TYW1B: variants seen among roughly 807,000 people sequenced by gnomAD.
TYW1B encodes the protein S-adenosyl-L-methionine-dependent tRNA 4-demethylwyosine synthase TYW1B.
In TYW1B, 73 loss-of-function variants were observed where a neutral mutation model predicts 86.9. The observed-to-expected ratio is 0.84, with a 90% CI of 0.70 to 1.02. The LOEUF is 1.02. TYW1B is among the 50% of genes least tolerant of loss of function. The probability of loss-of-function intolerance (pLI) is 0.00; values close to 1 mark genes in which losing one functional copy is unlikely to be tolerated. For missense variants in TYW1B, 637 were observed against 827.4 expected (o/e 0.77, Z 2.82); for synonymous variants, 248 against 292.8 (o/e 0.85, Z 1.56).
intron 11 of TYW1B, among the ~76,000 whole-genome samples, chr7:72,671,284 G>A (rs1813594953): frequency 1.3e-5 from 2 of 152,126 alleles, no homozygotes; most frequent in African/African-American, 2.4e-5. Flanking sequence ...AAAGGTACAA[G>A]GAAGAATACA....
Position 72,744,611 on chromosome 7 carries a change from G to A in TYW1B, c.965-10C>T. The A allele has an allele frequency of 1.2e-6, 2 of 1,613,290 alleles. No individual in the cohort carries two copies. Among genetic ancestry groups the A allele is most frequent in the Non-Finnish European group, 1.7e-6 (2 of 1,179,278 alleles). On this transcript the variant is annotated splice_polypyrimidine_tract_variant and intron_variant, in intron 7 of 13. Coordinates refer to ENST00000620995, the MANE Select transcript of TYW1B (RefSeq NM_001145440.3). Reference sequence around the variant, plus strand: ...TCCCTCGGAGCATCGACTATGACAAGTAAACAAATCACAATTTGAATAAAA... The same window carrying A: ...TCCCTCGGAGCATCGACTATGACAAATAAACAAATCACAATTTGAATAAAA...
At chr7:72,686,106 C>T (rs563741538) in intron 11 of TYW1B, among the ~76,000 whole-genome samples, 4 of 152,292 alleles carry the variant, frequency 2.6e-5, no homozygotes, top group South Asian at 2.1e-4. Flanking sequence ...ATCCATTGCT[C>T]ATGGGAATAC....
intron 2 of TYW1B, among the ~76,000 whole-genome samples, chr7:72,823,571 G>A (rs2129572973): frequency 6.6e-6 from 1 of 151,898 alleles, no homozygotes. Flanking sequence ...AGTGAGCCGA[G>A]ATCGCGCCAC....
intron 11 of TYW1B, among the ~76,000 whole-genome samples, chr7:72,634,201 T>C (rs1375776060): frequency 6.6e-6 from 1 of 151,664 alleles, no homozygotes; most frequent in East Asian, 1.9e-4. Flanking sequence ...TGGCTTGAGA[T>C]AGGGTCTGGC....
At chr7:72,755,559 G>A (rs35494771) in intron 7 of TYW1B, among the ~76,000 whole-genome samples, 12,480 of 152,084 alleles carry the variant, frequency 0.082, 913 homozygotes, top group East Asian at 0.33. Flanking sequence ...GCCTATAATC[G>A]CAGCTACTCC....
At position 72,713,735 on chromosome 7, in the gene TYW1B, G is replaced by C. The variant is rs1218800867; in HGVS notation, c.1256C>G (p.Ser419Cys). The change falls in exon 10 of 14, where the codon TCC becomes TGC. Residue 419 changes from serine (S) to cysteine (C), a missense_variant. Transcript: ENST00000620995. ...GTACATTATTGGTTCTCCCACGAGG[G>C]ACAATGCACAGTGCTTTACCGTCAT... ...EGMTVKHCAL[S>C]LVGEPIMYPE... The C allele has an allele frequency of 1.2e-6, 2 of 1,612,954 alleles. No homozygotes were observed. The highest frequency in any genetic ancestry group is 1.7e-6 in the Non-Finnish European group (2 of 1,179,632).
rs1479061676 is a variant in TYW1B at position 72,652,201 on chromosome 7, C to G, written c.1507-23204G>C. ...GACCATCTGGCTAACACAGTGAAAC[C>G]CCGCCTCTACTAAAAAAATAAAAAA... On this transcript the variant is annotated intron_variant, in intron 11 of 13. Coordinates refer to ENST00000620995, the MANE Select transcript of TYW1B (RefSeq NM_001145440.3). 2.6e-5 allele frequency among the ~76,000 whole-genome samples: 4 copies of G among 151,736 alleles called. No individual in the cohort carries two copies. In the South Asian group the frequency reaches 8.3e-4, roughly 32 times the overall value.
intron 3 of TYW1B, among the ~76,000 whole-genome samples, chr7:72,813,667 G>A (rs1788666818): frequency 6.6e-6 from 1 of 151,726 alleles, no homozygotes; most frequent in Non-Finnish European, 1.5e-5. Context: ...GGGCATGACT[G>A]GAGAAAAAAG....
chr7:72,622,306 C>T (rs1280095385), intron 12 of TYW1B, among the ~76,000 whole-genome samples: 2 of 151,980 alleles, frequency 1.3e-5, no homozygotes, highest in East Asian at 1.9e-4. Flanking sequence ...AAGAGGAAAC[C>T]GATATGATAA....
chr7:72,762,520 G>A (rs1048153883), intron 7 of TYW1B, among the ~76,000 whole-genome samples: 1 of 152,112 alleles, frequency 6.6e-6, no homozygotes, highest in Non-Finnish European at 1.5e-5. Context: ...AGCCTAGAAA[G>A]CAATGTTTTC....
chr7:72,609,421 T>C (rs1473998036), intron 13 of TYW1B, among the ~76,000 whole-genome samples: 1 of 151,990 alleles, frequency 6.6e-6, no homozygotes, highest in Admixed American at 6.6e-5. Context: ...TAGCTGGGCA[T>C]GGTGGCTCAT....
intron 13 of TYW1B, among the ~76,000 whole-genome samples, chr7:72,589,774 G>A (rs1449338967): frequency 5.3e-5 from 8 of 152,200 alleles, no homozygotes; most frequent in African/African-American, 1.9e-4. Context: ...TACTTGGGAG[G>A]CTGAGGCAGG....
chr7:72,724,008 TA>T (rs1786953490), intron 9 of TYW1B, among the ~76,000 whole-genome samples: 2 of 150,596 alleles, frequency 1.3e-5, no homozygotes, highest in African/African-American at 4.9e-5. Flanking sequence ...TCTTTTCTAT[TA>T]TCATAATTTT....
chr7:72,611,618 T>A (rs1554435943), intron 13 of TYW1B, among the ~76,000 whole-genome samples: 1 of 152,186 alleles, frequency 6.6e-6, no homozygotes, highest in South Asian at 2.1e-4. Flanking sequence ...CTTTATAAAT[T>A]ACCCAGTCTC....
chr7:72,690,553 G>A (rs1382750226), intron 11 of TYW1B, among the ~76,000 whole-genome samples: 1 of 152,150 alleles, frequency 6.6e-6, no homozygotes, highest in Non-Finnish European at 1.5e-5. Context: ...TCAGAAATAG[G>A]CTGAAAATCT....
At chr7:72,592,073 T>A (rs1489763790) in intron 13 of TYW1B, among the ~76,000 whole-genome samples, 1 of 145,992 alleles carries the variant, frequency 6.8e-6, no homozygotes, top group African/African-American at 2.6e-5. Context: ...TCTGCCCACC[T>A]CGGCCTCCCA....
rs150995631 is a variant in TYW1B, at chr7:72,681,093, C to A, written c.1506+13594G>T. On this transcript the variant is annotated intron_variant, in intron 11 of 13. Transcript: ENST00000620995. ...ACAGGTGAGAAAAGTGAGTCCCTTG[C>A]CCAAAATTACACACACAATAGGTGG... 6.0e-3 allele frequency among the ~76,000 whole-genome samples: 913 copies of A among 152,238 alleles called. 7 individuals are homozygous for A. Among genetic ancestry groups the A allele is most frequent in the African/African-American group, 0.021 (866 of 41,550 alleles).
intron 11 of TYW1B, among the ~76,000 whole-genome samples, chr7:72,641,078 A>C (rs575916774): frequency 4.6e-5 from 7 of 152,282 alleles, no homozygotes; most frequent in Non-Finnish European, 7.4e-5. Context: ...AGTGGAGATA[A>C]TACTACTAAC....
chr7:72,828,093 G>A lies in TYW1B; in HGVS notation c.-18C>T. The A allele has an allele frequency of 1.9e-6, 3 of 1,613,874 alleles. No homozygotes were observed. Among genetic ancestry groups the A allele is most frequent in the Non-Finnish European group, 2.5e-6 (3 of 1,179,898 alleles). On this transcript the variant is annotated 5_prime_UTR_variant, in exon 1 of 14. Transcript: ENST00000620995. ...TTACCCATCCTCCTCAGAGCCGACA[G>A]GAGACTAGGATCTCGGACCTGGAGA...
Sources: gnomAD v4.1 joint callset for allele counts (sites outside exome capture counted in the v4.1 genomes callset) on GRCh38, gnomAD v4.1.1 for gene constraint, MANE v1.5 for transcripts, NCBI Gene and HGNC (gene_info 2026-07-23, HGNC 2026-07-21) for gene names.